OR5AN1: variants seen among roughly 807,000 people sequenced by gnomAD.
The protein encoded by OR5AN1 is olfactory receptor family 5 subfamily AN member 1.
For synonymous variants in OR5AN1, 167 were observed against 131.8 expected, an observed-to-expected ratio of 1.27 and a Z score of -1.83; for missense variants, 476 against 368.9, an observed-to-expected ratio of 1.29 and a Z score of -2.38.
In OR5AN1 at chr11:59,370,950, A is replaced by T. The variant is rs902019217; in HGVS notation, c.*5556A>T. ...TTGGATTCACAAGAAGGACCATGAG[A>T]TAACCTCTGTGATAGCTCTAGGCTG... is the stretch of plus-strand genomic sequence containing the variant. On this transcript the variant is annotated 3_prime_UTR_variant, in exon 2 of 2. Coordinates refer to ENST00000641998, the MANE Select transcript of OR5AN1 (RefSeq NM_001004729.2). 6.6e-6 allele frequency: 1 copy of T among 152,346 alleles called. No homozygotes were observed. The highest frequency in any genetic ancestry group is 6.5e-5 in the Admixed American group (1 of 15,306). The allele number at this position is 152,346 out of a possible 1,614,324, so 9.4% of individuals were successfully genotyped here. A position where few individuals can be genotyped will look rare whatever the true frequency, so the allele number is the denominator to read the frequency against.
At position 59,364,760 on chromosome 11, in the gene OR5AN1, A is replaced by G. The variant is rs564319089; in HGVS notation, c.302A>G (p.Gln101Arg). 1.9e-6 allele frequency: 3 copies of G among 1,614,056 alleles called. No homozygotes were observed. The highest frequency in any genetic ancestry group is 4.5e-5 in the East Asian group (2 of 44,866). The change falls in exon 2 of 2, where the codon CAG (glutamine) becomes CGG (arginine). Residue 101 changes from glutamine (Q) to arginine (R), a missense_variant. Transcript: ENST00000641998. ...ATCACTTTTGTTGGTTGTATTATTC[A>G]GTACTTTATCTTTTCAACGATGGGA... ...QTITFVGCIIQYFIFSTMGLS... is the reference protein window; with the variant it reads ...QTITFVGCIIRYFIFSTMGLS...
In OR5AN1 at chr11:59,359,258, A is replaced by T. The variant is rs796836094; in HGVS notation, c.-28A>T. The stretch of plus-strand genomic sequence containing the variant: ...ACCTTCTGTAAAAAGAAAAACCTCA[A>T]ACATAAAATTTCAGGTATTATTCTG... On this transcript the variant is annotated 5_prime_UTR_variant, in exon 1 of 2. Coordinates refer to ENST00000641998, the MANE Select transcript of OR5AN1 (RefSeq NM_001004729.2). The T allele has an allele frequency of 9.2e-5, 14 of 152,316 alleles. No homozygotes were observed. Among genetic ancestry groups the T allele is most frequent in the African/African-American group, 2.9e-4 (12 of 41,572 alleles). The allele number at this position is 152,316 out of a possible 1,614,324, so 9.4% of individuals were successfully genotyped here. A position where few individuals can be genotyped will look rare whatever the true frequency, so the allele number is the denominator to read the frequency against.
chr11:59,362,541 T>C (rs1229577666), intron 1 of OR5AN1, among the ~76,000 whole-genome samples: 1 of 152,254 alleles, frequency 6.6e-6, no homozygotes, highest in East Asian at 1.9e-4. Flanking sequence ...TCTTTTGGCA[T>C]GTCTATTATT....
At chr11:59,360,783 A>G (rs1304731972) in intron 1 of OR5AN1, among the ~76,000 whole-genome samples, 1 of 152,250 alleles carries the variant, frequency 6.6e-6, no homozygotes, top group Non-Finnish European at 1.5e-5. Flanking sequence ...TGCAAAGGAC[A>G]TGATCTCATT....
intron 1 of OR5AN1, among the ~76,000 whole-genome samples, chr11:59,362,138 T>G (rs1857471799): frequency 6.6e-6 from 1 of 152,148 alleles, no homozygotes; most frequent in African/African-American, 2.4e-5. Context: ...GTCATATGAG[T>G]GCCCATTCCT....
Position 59,365,676 on chromosome 11 carries a change from C to T in OR5AN1, c.*282C>T. On this transcript the variant is annotated 3_prime_UTR_variant, in exon 2 of 2. Transcript: ENST00000641998. ...AATTTGTCCAAAATTATTTGTGAAACAACAAGATTTAGAAATCTTTTGTTT... is the reference window on the plus strand; with the variant it reads ...AATTTGTCCAAAATTATTTGTGAAATAACAAGATTTAGAAATCTTTTGTTT... 3 of 309,110 alleles carry T rather than the reference C, an allele frequency of 9.7e-6. No homozygotes were observed. The highest frequency in any genetic ancestry group is 1.8e-5 in the Non-Finnish European group (3 of 168,888). The allele number at this position is 309,110 out of a possible 1,614,324, so 19.1% of individuals were successfully genotyped here.
At chr11:59,360,339 A>G (rs1410871265) in intron 1 of OR5AN1, among the ~76,000 whole-genome samples, 1 of 152,218 alleles carries the variant, frequency 6.6e-6, no homozygotes, top group Non-Finnish European at 1.5e-5. Flanking sequence ...TTTTAAAAAT[A>G]TTTCCATTAA....
rs141563450 is a variant in OR5AN1, at chr11:59,361,732, T to G, written c.-14+2460T>G. On this transcript the variant is annotated intron_variant, in intron 1 of 1. Coordinates refer to ENST00000641998, the MANE Select transcript of OR5AN1 (RefSeq NM_001004729.2). ...ACATCGCACAGCCTGCAAGTAAGAT[T>G]CAGGAAAGTCTACTCTCTCACATTC... 1.4e-3 allele frequency among the ~76,000 whole-genome samples: 212 copies of G among 152,308 alleles called. 1 individual carries two copies. Among genetic ancestry groups the G allele is most frequent in the African/African-American group, 5.0e-3 (208 of 41,554 alleles).
chr11:59,364,567 A>C lies in OR5AN1; in HGVS notation c.109A>C (p.Ile37Leu), dbSNP rs754787121. ...CTTCACTATATTCCTGGTGATCTAC[A>C]TTACATCTCTGGCCTGGAACCTCTC... ...VLFTIFLVIY[I>L]TSLAWNLSLI... Residue 37 changes from isoleucine (I) to leucine (L), a missense_variant, in exon 2 of 2, where the codon ATT becomes CTT. Coordinates refer to ENST00000641998, the MANE Select transcript of OR5AN1 (RefSeq NM_001004729.2). 2 of 1,613,904 alleles carry C rather than the reference A, an allele frequency of 1.2e-6. No individual in the cohort carries two copies. Among genetic ancestry groups the C allele is most frequent in the Non-Finnish European group, 8.5e-7 (1 of 1,179,880 alleles).
chr11:59,363,531 G>T (rs1216629974), intron 1 of OR5AN1, among the ~76,000 whole-genome samples: 1 of 152,036 alleles, frequency 6.6e-6, no homozygotes, highest in South Asian at 2.1e-4. Context: ...GGACACCCAC[G>T]CTCTGTCTGC....
In OR5AN1 at chr11:59,367,801, C is replaced by A. The variant is rs778204955; in HGVS notation, c.*2407C>A. ...CTCTTCACTGGGCAGGACCTCCCAACTGGGGCCTGCAGCCACCCCCACCAA... is the reference window on the plus strand; with the variant it reads ...CTCTTCACTGGGCAGGACCTCCCAAATGGGGCCTGCAGCCACCCCCACCAA... On this transcript the variant is annotated 3_prime_UTR_variant, in exon 2 of 2. Transcript: ENST00000641998. The A allele has an allele frequency of 6.6e-6, 1 of 152,446 alleles. No individual in the cohort carries two copies. Among genetic ancestry groups the A allele is most frequent in the Non-Finnish European group, 1.5e-5 (1 of 68,234 alleles). The allele number at this position is 152,446 out of a possible 1,614,324, so 9.4% of individuals were successfully genotyped here. A position where few individuals can be genotyped will look rare whatever the true frequency, so the allele number is the denominator to read the frequency against.
rs1037271520 is a variant in OR5AN1 at position 59,358,981 on chromosome 11, G to C, written c.-305G>C. On this transcript the variant is annotated 5_prime_UTR_variant, in exon 1 of 2. Coordinates refer to ENST00000641998, the MANE Select transcript of OR5AN1 (RefSeq NM_001004729.2). ...ATACGCCCACCTGAAAAATTCCATTGGAAAAGAAATAAGCAATTTCAACCT... is the reference window on the plus strand; with the variant it reads ...ATACGCCCACCTGAAAAATTCCATTCGAAAAGAAATAAGCAATTTCAACCT... 11 of 152,124 alleles carry C rather than the reference G, an allele frequency of 7.2e-5. No homozygotes were observed. Among genetic ancestry groups the C allele is most frequent in the African/African-American group, 2.4e-4 (10 of 41,398 alleles). The allele number at this position is 152,124 out of a possible 1,614,324, so 9.4% of individuals were successfully genotyped here.
chr11:59,363,043 G>A (rs569737745), intron 1 of OR5AN1, among the ~76,000 whole-genome samples: 1 of 152,274 alleles, frequency 6.6e-6, no homozygotes, highest in South Asian at 2.1e-4. Context: ...ATGAGGCCTG[G>A]CTGTCTATAG....
In OR5AN1 at chr11:59,364,517, A is replaced by AT; in HGVS notation, c.63dup (p.Pro22SerfsTer45). 1 of 1,613,782 alleles carries AT rather than the reference A, an allele frequency of 6.2e-7. No homozygotes were observed. Among genetic ancestry groups the AT allele is most frequent in the Admixed American group, 1.7e-5 (1 of 59,996 alleles). ...TATTTCATCCTGCTGGGATTCTCAG[A>AT]TTTTCCCAGGATCATAAAAGTGCTC... is the stretch of plus-strand genomic sequence containing the variant. On this transcript the variant is annotated frameshift_variant, in exon 2 of 2. Transcript: ENST00000641998. LOFTEE classifies it low-confidence loss of function (END_TRUNC).
At position 59,365,076 on chromosome 11, in the gene OR5AN1, C is replaced by T; in HGVS notation, c.618C>T (p.Phe206=). 1 of 1,614,146 alleles carries T rather than the reference C, an allele frequency of 6.2e-7. No individual in the cohort carries two copies. The change falls in exon 2 of 2, where the codon TTC becomes TTT. Residue 206 remains phenylalanine, a synonymous_variant. Transcript: ENST00000641998. ...VQVMTAILTM[F]FGIASALVIM... ...TCATGACTGCTATATTAACCATGTTCTTTGGGATAGCAAGTGCCCTAGTTA... is the reference window on the plus strand; with the variant it reads ...TCATGACTGCTATATTAACCATGTTTTTTGGGATAGCAAGTGCCCTAGTTA...
chr11:59,361,286 T>C (rs868456314), intron 1 of OR5AN1, among the ~76,000 whole-genome samples: 14 of 152,088 alleles, frequency 9.2e-5, no homozygotes, highest in African/African-American at 3.1e-4. Flanking sequence ...GGCCTTAGTG[T>C]TTTTGTTTTT....
chr11:59,365,069 C>T lies in OR5AN1; in HGVS notation c.611C>T (p.Thr204Ile), dbSNP rs1438530931. 5.0e-6 allele frequency: 8 copies of T among 1,614,108 alleles called. No homozygotes were observed. The highest frequency in any genetic ancestry group is 6.8e-6 in the Non-Finnish European group (8 of 1,179,976). The change falls in exon 2 of 2, where the codon ACC becomes ATC. Residue 204 changes from threonine (T) to isoleucine (I), a missense_variant. By Grantham distance (89) the Thr-to-Ile change is moderately conservative. Coordinates refer to ENST00000641998, the MANE Select transcript of OR5AN1 (RefSeq NM_001004729.2). ...FFVQVMTAIL[T>I]MFFGIASALV... ...GTACAGGTCATGACTGCTATATTAA[C>T]CATGTTCTTTGGGATAGCAAGTGCC...
chr11:59,364,570 A>T lies in OR5AN1; in HGVS notation c.112A>T (p.Thr38Ser). The stretch of plus-strand genomic sequence containing the variant: ...CACTATATTCCTGGTGATCTACATT[A>T]CATCTCTGGCCTGGAACCTCTCCCT... The part of the protein sequence containing the change: ...LFTIFLVIYI[T>S]SLAWNLSLIV... The change falls in exon 2 of 2, where the codon ACA (threonine) becomes TCA (serine). Residue 38 changes from threonine to serine, a missense_variant. Transcript: ENST00000641998. 6.2e-7 allele frequency: 1 copy of T among 1,613,858 alleles called. No homozygotes were observed. The highest frequency in any genetic ancestry group is 8.5e-7 in the Non-Finnish European group (1 of 1,179,808).
intron 1 of OR5AN1, among the ~76,000 whole-genome samples, chr11:59,361,073 G>A (rs1246141473): frequency 6.6e-6 from 1 of 152,182 alleles, no homozygotes; most frequent in Non-Finnish European, 1.5e-5. Flanking sequence ...AGCATCAGGA[G>A]TTGACAATTC....
Sources: gnomAD v4.1 joint callset for allele counts (sites outside exome capture counted in the v4.1 genomes callset) on GRCh38, gnomAD v4.1.1 for gene constraint, MANE v1.5 for transcripts, NCBI Gene and HGNC (gene_info 2026-07-23, HGNC 2026-07-21) for gene names.